The following SGCZ variants were observed in gnomAD, a reference collection of about 807,000 sequenced individuals.
The protein encoded by SGCZ is sarcoglycan zeta, also known as zeta-sarcoglycan.
A neutral mutation model predicts 41.3 loss-of-function variants in SGCZ; 40 were observed. That is an observed-to-expected ratio of 0.97 (90% CI 0.75 to 1.26). The LOEUF (loss-of-function observed/expected upper bound fraction) is 1.26. Ranked by LOEUF, SGCZ falls within the 50% of genes most tolerant of loss-of-function variation. The pLI, the probability that SGCZ is intolerant of heterozygous loss-of-function variation, is 0.00. For missense variants in SGCZ, 552 were observed against 369.8 expected (o/e 1.49, Z -4.04); for synonymous variants, 206 against 137.5 (o/e 1.50, Z -3.49).
chr8:14,166,754 A>G lies in SGCZ; in HGVS notation c.425-2052T>C, dbSNP rs570270524. 3.3e-5 allele frequency among the ~76,000 whole-genome samples: 5 copies of G among 152,272 alleles called. No homozygotes were observed. The East Asian group carries it at 9.6e-4, about 29-fold the overall frequency. ...TATGAAAGATACATTATTAACATAA[A>G]CATGCTATATTGCATGACATATAAA... On this transcript the variant is annotated intron_variant, in intron 4 of 7. Coordinates refer to ENST00000382080, the MANE Select transcript of SGCZ (RefSeq NM_139167.4).
chr8:14,434,884 G>C lies in SGCZ; in HGVS notation c.235-110680C>G, dbSNP rs560678868. Among the ~76,000 whole-genome samples, 24 of 152,216 alleles carry C rather than the reference G, an allele frequency of 1.6e-4. No individual in the cohort carries two copies. In the South Asian group the frequency reaches 2.7e-3, roughly 17 times the overall value. On this transcript the variant is annotated intron_variant, in intron 2 of 7. Coordinates refer to ENST00000382080, the MANE Select transcript of SGCZ (RefSeq NM_139167.4). ...GTCAAGGCTACATGTAGTGAGCTGT[G>C]ATCGTGCCACTGCACTCAAGTGGAG...
chr8:14,309,317 A>G, intron 3 of SGCZ: 1 of 1,595,516 alleles, frequency 6.3e-7, no homozygotes, highest in Non-Finnish European at 8.6e-7. Flanking sequence ...TGGTATTGAG[A>G]CTATGTGGGA....
intron 3 of SGCZ, among the ~76,000 whole-genome samples, chr8:14,268,307 AT>A (rs1294449885): frequency 6.7e-6 from 1 of 149,500 alleles, no homozygotes; most frequent in African/African-American, 2.4e-5. Context: ...TATATTTGTT[AT>A]AGTTAAAAGC....
chr8:14,902,666 T>C (rs1000370071), intron 1 of SGCZ, among the ~76,000 whole-genome samples: 1 of 152,100 alleles, frequency 6.6e-6, no homozygotes. Context: ...ATTAGCCTAG[T>C]CCTGACATTG....
intron 2 of SGCZ, among the ~76,000 whole-genome samples, chr8:14,378,888 A>G (rs182015369): frequency 3.3e-5 from 5 of 152,196 alleles, no homozygotes; most frequent in Admixed American, 6.5e-5. Flanking sequence ...TAACAGACCT[A>G]AAAAAAATCT....
At chr8:14,125,319 T>C (rs73522424) in intron 5 of SGCZ, among the ~76,000 whole-genome samples, 29,308 of 151,826 alleles carry the variant, frequency 0.19, 3,634 homozygotes, top group East Asian at 0.66. Context: ...CTGGCTAACA[T>C]GGTGAAACCC....
chr8:14,187,703 A>T (rs1804951215), intron 4 of SGCZ, among the ~76,000 whole-genome samples: 1 of 152,140 alleles, frequency 6.6e-6, no homozygotes, highest in Admixed American at 6.5e-5. Flanking sequence ...CAACTGCAGG[A>T]CACCATTAAG....
At position 14,952,976 on chromosome 8, in the gene SGCZ, G is replaced by C. The variant is rs183090074; in HGVS notation, c.39+284609C>G. Among the ~76,000 whole-genome samples, 792 of 152,162 alleles carry C rather than the reference G, an allele frequency of 5.2e-3. 11 individuals carry two copies. Among genetic ancestry groups the C allele is most frequent in the African/African-American group, 0.018 (736 of 41,516 alleles). ...GAGCAAGAGAAAAATATCTCGGGTG[G>C]GTTGGTGGATTTTGCTGATCAGGGT... On this transcript the variant is annotated intron_variant, in intron 1 of 7. Transcript: ENST00000382080.
At chr8:14,815,247 T>C (rs980949104) in intron 1 of SGCZ, among the ~76,000 whole-genome samples, 1 of 152,082 alleles carries the variant, frequency 6.6e-6, no homozygotes, top group African/African-American at 2.4e-5. Context: ...AATTTTCTTT[T>C]TTTTTTTTGA....
chr8:14,242,807 C>T (rs540278084), intron 3 of SGCZ, among the ~76,000 whole-genome samples: 3 of 152,130 alleles, frequency 2.0e-5, no homozygotes, highest in South Asian at 4.1e-4. Context: ...CTGTCTACCA[C>T]GAGGAAGTAC....
intron 2 of SGCZ, among the ~76,000 whole-genome samples, chr8:14,348,614 G>A (rs1585392758): frequency 6.6e-6 from 1 of 152,030 alleles, no homozygotes; most frequent in East Asian, 1.9e-4. Context: ...TATATTCGCT[G>A]AAAAAAATGA....
At chr8:15,174,814 C>A (rs268384) in intron 1 of SGCZ, among the ~76,000 whole-genome samples, 130,403 of 152,156 alleles carry the variant, frequency 0.86, 55,902 homozygotes, top group South Asian at 0.87. Context: ...CTTTTTTAAA[C>A]ATTAAAATTA....
At chr8:14,287,444 G>A (rs1563235729) in intron 3 of SGCZ, among the ~76,000 whole-genome samples, 1 of 151,448 alleles carries the variant, frequency 6.6e-6, no homozygotes, top group Non-Finnish European at 1.5e-5. Flanking sequence ...CTGTCTGGTG[G>A]AAAAAAAGTG....
At chr8:14,309,589 A>G in intron 3 of SGCZ, 5 of 1,610,928 alleles carry the variant, frequency 3.1e-6, no homozygotes, top group Non-Finnish European at 4.2e-6. Flanking sequence ...TTAGGACTTC[A>G]TCCAAAGATA....
intron 1 of SGCZ, among the ~76,000 whole-genome samples, chr8:15,106,860 C>G (rs1806845132): frequency 6.6e-6 from 1 of 151,958 alleles, no homozygotes; most frequent in Non-Finnish European, 1.5e-5. Flanking sequence ...GTTTTGGAGT[C>G]TGTATCACAG....
intron 1 of SGCZ, among the ~76,000 whole-genome samples, chr8:15,171,202 G>C (rs547083197): frequency 1.3e-5 from 2 of 152,146 alleles, no homozygotes; most frequent in Admixed American, 6.5e-5. Context: ...TAGTCTTTGA[G>C]TTAGTTCATT....
At chr8:14,284,561 G>T (rs1250645384) in intron 3 of SGCZ, among the ~76,000 whole-genome samples, 1 of 152,126 alleles carries the variant, frequency 6.6e-6, no homozygotes, top group East Asian at 1.9e-4. Context: ...TATTCATACA[G>T]ATAATCTTTG....
intron 1 of SGCZ, among the ~76,000 whole-genome samples, chr8:14,897,566 G>A (rs1405579400): frequency 6.6e-6 from 1 of 152,172 alleles, no homozygotes; most frequent in Non-Finnish European, 1.5e-5. Context: ...CATTGTACAG[G>A]TCTAGTGTCA....
chr8:14,444,159 A>G (rs1361110840), intron 2 of SGCZ, among the ~76,000 whole-genome samples: 1 of 152,124 alleles, frequency 6.6e-6, no homozygotes, highest in Non-Finnish European at 1.5e-5. Context: ...AAGTCAGGAA[A>G]CAACAGGTGC....
Sources: allele counts gnomAD v4.1 joint callset (sites outside exome capture counted in the v4.1 genomes callset), GRCh38; gene constraint gnomAD v4.1.1; transcripts MANE v1.5; gene names NCBI Gene and HGNC (gene_info 2026-07-23, HGNC 2026-07-21).